SPPL2A: variants seen among roughly 807,000 people sequenced by gnomAD.
SPPL2A encodes signal peptide peptidase-like 2A.
Under a neutral mutation model 63.8 loss-of-function variants are expected in SPPL2A, and 51 were observed. The ratio of observed to expected loss-of-function variants is 0.80; its 90% CI spans 0.64 to 1.01. The LOEUF is 1.01. SPPL2A is among the 50% of genes least tolerant of loss of function. SPPL2A has a pLI of 0.00. For synonymous variants in SPPL2A, 188 were observed against 205.8 expected (o/e 0.91, Z 0.74); for missense variants, 553 against 622.7 (o/e 0.89, Z 1.19).
At chr15:50,725,404 T>C (rs2062678836) in intron 11 of SPPL2A, 81 bp from the exon 12 acceptor site, 3 of 763,220 alleles carry the variant, frequency 3.9e-6, no homozygotes, top group East Asian at 5.0e-5. Context: ...TGGCAATCTT[T>C]ACTCATATCT....
chr15:50,722,829 C>G (rs1180760885), intron 12 of SPPL2A, among the ~76,000 whole-genome samples: 1 of 152,108 alleles, frequency 6.6e-6, no homozygotes, highest in Non-Finnish European at 1.5e-5. Flanking sequence ...AACTAAAAAG[C>G]TTCTGCACAG....
rs1596395305 is a variant in SPPL2A, at chr15:50,749,633, T to C, written c.177+3A>G. The stretch of plus-strand genomic sequence containing the variant: ...TTATGAATAGTAACTGTGATTTACT[T>C]ACTGCATTTTCTAGGGTACTTGGAA... On this transcript the variant is annotated splice_donor_region_variant and intron_variant, in intron 2 of 14. Coordinates refer to ENST00000261854, the MANE Select transcript of SPPL2A (RefSeq NM_032802.4). 3 of 1,520,738 alleles carry C rather than the reference T, an allele frequency of 2.0e-6. No homozygotes were observed. The highest frequency in any genetic ancestry group is 1.1e-5 in the South Asian group (1 of 89,104). The allele number at this position is 1,520,738 out of a possible 1,614,324, so 94.2% of individuals were successfully genotyped here.
intron 1 of SPPL2A, among the ~76,000 whole-genome samples, chr15:50,750,251 G>A (rs1332416198): frequency 1.3e-5 from 2 of 152,064 alleles, no homozygotes; most frequent in African/African-American, 2.4e-5. Context: ...CTACAGGCGC[G>A]TGTTACCATG....
chr15:50,761,018 G>T (rs1037906810), intron 1 of SPPL2A, among the ~76,000 whole-genome samples: 4 of 151,998 alleles, frequency 2.6e-5, no homozygotes, highest in Non-Finnish European at 1.5e-5. Context: ...GTGTGTGTGT[G>T]TGTGTTTTTA....
rs1216273654 is a variant in SPPL2A at position 50,704,902 on chromosome 15, TTAGA to T, written c.*2894_*2897del. On this transcript the variant is annotated 3_prime_UTR_variant, in exon 15 of 15. Coordinates refer to ENST00000261854, the MANE Select transcript of SPPL2A (RefSeq NM_032802.4). ...ATTTTACCTCCTTAATAACTAATGG[TTAGA>T]TAAAGTAGAATTTGTATCAAGTAAC... 4 of 152,176 alleles carry T rather than the reference TTAGA, an allele frequency of 2.6e-5. No homozygotes were observed. The highest frequency in any genetic ancestry group is 2.1e-4 in the South Asian group (1 of 4,834). The allele number at this position is 152,176 out of a possible 1,614,324, so 9.4% of individuals were successfully genotyped here.
At chr15:50,764,796 G>T (rs2030766209) in intron 1 of SPPL2A, among the ~76,000 whole-genome samples, 4 of 151,996 alleles carry the variant, frequency 2.6e-5, no homozygotes, top group Admixed American at 2.6e-4. Context: ...ACATTTAACC[G>T]ACGCTCCCCA....
At chr15:50,710,096 G>A (rs2062544529) in intron 14 of SPPL2A, among the ~76,000 whole-genome samples, 1 of 152,212 alleles carries the variant, frequency 6.6e-6, no homozygotes, top group Admixed American at 6.5e-5. Flanking sequence ...GAATTTAAAA[G>A]TTCTGGGTCT....
intron 11 of SPPL2A, 49 bp downstream of exon 11, chr15:50,726,272 T>C (rs1377757223): frequency 1.9e-6 from 3 of 1,572,390 alleles, no homozygotes; most frequent in Non-Finnish European, 2.6e-6. Flanking sequence ...ATTAACCGGA[T>C]ACACATACAT....
At chr15:50,745,219 C>T (rs911004757) in intron 5 of SPPL2A, among the ~76,000 whole-genome samples, 10 of 152,136 alleles carry the variant, frequency 6.6e-5, no homozygotes, top group Non-Finnish European at 4.4e-5. Context: ...GGGATGATCT[C>T]GGCTCACTGC....
Position 50,703,139 on chromosome 15 carries a change from C to T in SPPL2A, c.*4661G>A, listed in dbSNP as rs1338667834. The T allele has an allele frequency of 6.6e-6, 1 of 151,242 alleles. No homozygotes were observed. Among genetic ancestry groups the T allele is most frequent in the Non-Finnish European group, 1.5e-5 (1 of 67,888 alleles). The allele number at this position is 151,242 out of a possible 1,614,324, so 9.4% of individuals were successfully genotyped here. ...ACTATTCACAGACACAATCACAGCT[C>T]ACTACAGCCTCAAACTCCTGGGCTC... On this transcript the variant is annotated 3_prime_UTR_variant, in exon 15 of 15. Coordinates refer to ENST00000261854, the MANE Select transcript of SPPL2A (RefSeq NM_032802.4).
At chr15:50,711,923 CATGTCTAGTTTA>C (rs1283499921) in intron 14 of SPPL2A, among the ~76,000 whole-genome samples, 1 of 152,146 alleles carries the variant, frequency 6.6e-6, no homozygotes, top group Non-Finnish European at 1.5e-5. Context: ...TGTAGAGATA[CATGTCTAGTTTA>C]ATGTTTTAAA....
At chr15:50,736,981 G>A (rs986374655) in intron 6 of SPPL2A, among the ~76,000 whole-genome samples, 1 of 150,962 alleles carries the variant, frequency 6.6e-6, no homozygotes, top group African/African-American at 2.4e-5. Context: ...GTGTAATCTC[G>A]GCTCTCACTG....
intron 1 of SPPL2A, among the ~76,000 whole-genome samples, chr15:50,755,807 A>G (rs1348774313): frequency 6.6e-6 from 1 of 151,842 alleles, no homozygotes; most frequent in East Asian, 1.9e-4. Context: ...CTTATAGGAG[A>G]CAAGATCTTG....
intron 13 of SPPL2A, among the ~76,000 whole-genome samples, chr15:50,720,755 G>A (rs1487033834): frequency 6.6e-6 from 1 of 151,848 alleles, no homozygotes; most frequent in African/African-American, 2.4e-5. Flanking sequence ...CCCGACCTCA[G>A]GTGATCCACC....
intron 1 of SPPL2A, among the ~76,000 whole-genome samples, chr15:50,759,852 G>A (rs189351018): frequency 5.9e-5 from 9 of 152,182 alleles, no homozygotes; most frequent in African/African-American, 2.2e-4. Context: ...TGTGATCTAG[G>A]ATAAGTCATA....
Position 50,739,686 on chromosome 15 carries a change from A to G in SPPL2A, c.727T>C (p.Trp243Arg), listed in dbSNP as rs2062802540. 2 of 1,565,994 alleles carry G rather than the reference A, an allele frequency of 1.3e-6. No homozygotes were observed. The highest frequency in any genetic ancestry group is 1.7e-6 in the Non-Finnish European group (2 of 1,160,178). Residue 243 changes from tryptophan to arginine, a missense_variant, in exon 6 of 15, where the codon TGG becomes CGG. Coordinates refer to ENST00000261854, the MANE Select transcript of SPPL2A (RefSeq NM_032802.4). ...ATAAAATATGACTTCTTACCCAACC[A>G]TTTGTAGAAGAAATAAAGTAAGACC... ...MMVLLYFFYK[W>R]LVYVMIAIFC...
At chr15:50,742,897 T>G (rs545178899) in intron 5 of SPPL2A, 1 of 152,170 alleles carries the variant, frequency 6.6e-6, no homozygotes, top group Non-Finnish European at 1.5e-5. Context: ...GAGCTTGTCC[T>G]AGCGTGTATA....
chr15:50,761,698 G>A (rs759469992), intron 1 of SPPL2A, among the ~76,000 whole-genome samples: 3 of 152,180 alleles, frequency 2.0e-5, no homozygotes, highest in South Asian at 2.1e-4. Context: ...CACTTTGGGA[G>A]GCCGAGGTGG....
intron 14 of SPPL2A, among the ~76,000 whole-genome samples, chr15:50,711,639 T>C (rs969530416): frequency 2.0e-5 from 3 of 152,116 alleles, no homozygotes; most frequent in African/African-American, 7.2e-5. Flanking sequence ...AAGTTACAAG[T>C]GAGGTATAAG....
Sources: allele counts gnomAD v4.1 joint callset (sites outside exome capture counted in the v4.1 genomes callset), GRCh38; gene constraint gnomAD v4.1.1; transcripts MANE v1.5; gene names NCBI Gene and HGNC (gene_info 2026-07-23, HGNC 2026-07-21).